Variants in PPM1D observed in about 807,000 individuals in gnomAD.
PPM1D encodes the protein protein phosphatase, Mg2+/Mn2+ dependent 1D.
In PPM1D, 52 loss-of-function variants were observed where a neutral mutation model predicts 58.3. The observed-to-expected ratio is 0.89, with a 90% confidence interval of 0.71 to 1.12. The LOEUF (loss-of-function observed/expected upper bound fraction) is 1.12, where lower values mean the gene tolerates loss of function less well. Ranked by LOEUF, PPM1D falls within the 50% of genes most tolerant of loss-of-function variation. PPM1D has a pLI of 0.00. For missense variants in PPM1D, 564 were observed against 777.2 expected (o/e 0.73, Z 3.26); for synonymous variants, 278 against 285.1 (o/e 0.98, Z 0.25).
intron 1 of PPM1D, 126 bp downstream of exon 1, chr17:60,601,012 A>G (rs1347509145): frequency 1.5e-6 from 2 of 1,376,442 alleles, no homozygotes; most frequent in Non-Finnish European, 2.0e-6. Context: ...GGAAGTGACT[A>G]AAAGCTGTAA....
At chr17:60,638,353 AT>A (rs2031065949) in intron 3 of PPM1D, among the ~76,000 whole-genome samples, 1 of 152,016 alleles carries the variant, frequency 6.6e-6, no homozygotes, top group Non-Finnish European at 1.5e-5. Flanking sequence ...TCAAACCATT[AT>A]TCTGACACTT....
chr17:60,610,535 T>C (rs982189022), intron 1 of PPM1D, among the ~76,000 whole-genome samples: 2 of 152,202 alleles, frequency 1.3e-5, no homozygotes, highest in Non-Finnish European at 2.9e-5. Context: ...TCTTCAAATA[T>C]CTGAGGGGTT....
At chr17:60,645,532 A>ATATATATGTATATATGTGTG (rs1567974643) in intron 3 of PPM1D, among the ~76,000 whole-genome samples, 5 of 119,390 alleles carry the variant, frequency 4.2e-5, no homozygotes, top group African/African-American at 2.1e-4. Context: ...GTATATATAT[A>ATATATATGTATATATGTGTG]TGTGTATATA....
chr17:60,639,855 A>G (rs1431928918), intron 3 of PPM1D, among the ~76,000 whole-genome samples: 2 of 152,268 alleles, frequency 1.3e-5, no homozygotes, highest in Non-Finnish European at 2.9e-5. Flanking sequence ...GAGGTTAAGG[A>G]GGAAGAAAGT....
chr17:60,625,365 G>A (rs1156964536), intron 2 of PPM1D, among the ~76,000 whole-genome samples: 1 of 152,098 alleles, frequency 6.6e-6, no homozygotes, highest in African/African-American at 2.4e-5. Flanking sequence ...TACCTTCTTG[G>A]TAAGATTACA....
chr17:60,643,055 GAA>G (rs61233619), intron 3 of PPM1D, among the ~76,000 whole-genome samples: 9 of 73,656 alleles, frequency 1.2e-4, no homozygotes, highest in Admixed American at 1.6e-4. Flanking sequence ...CGTCTCAAAA[GAA>G]AAAAAAAAAA....
At chr17:60,620,317 TTTTG>T (rs374591924) in intron 1 of PPM1D, among the ~76,000 whole-genome samples, 8 of 151,896 alleles carry the variant, frequency 5.3e-5, no homozygotes, top group African/African-American at 1.2e-4. Flanking sequence ...TTAACTGTGT[TTTTG>T]TTTGTTTGTT....
intron 1 of PPM1D, among the ~76,000 whole-genome samples, chr17:60,607,989 G>C (rs2143623699): frequency 6.6e-6 from 1 of 152,336 alleles, no homozygotes; most frequent in Admixed American, 6.5e-5. Flanking sequence ...AGTGGGGAGA[G>C]AGAATTGAAT....
At chr17:60,634,840 G>A (rs1206279482) in intron 3 of PPM1D, among the ~76,000 whole-genome samples, 2 of 152,172 alleles carry the variant, frequency 1.3e-5, no homozygotes, top group Non-Finnish European at 2.9e-5. Context: ...GATTGCAGTG[G>A]CATGATGACA....
Position 60,600,659 on chromosome 17 carries a change from C to A in PPM1D, c.245C>A (p.Ala82Asp). 1 of 1,550,706 alleles carries A rather than the reference C, an allele frequency of 6.4e-7. No homozygotes were observed. The highest frequency in any genetic ancestry group is 1.4e-5 in the African/African-American group (1 of 72,374). Residue 82 changes from alanine to aspartate, a missense_variant, in exon 1 of 6, where the codon GCC (alanine) becomes GAC (aspartate). By Grantham distance (126) the Ala-to-Asp change is moderately radical (BLOSUM62 -2). Around this residue, in one of 7 missense-constraint regions of PPM1D, gnomAD observed 132 missense variants for 150.4 expected, o/e 0.88. Coordinates refer to ENST00000305921, the MANE Select transcript of PPM1D (RefSeq NM_003620.4). ...AREARDPLPDAGASPAPSRCC... is the reference protein window; with the variant it reads ...AREARDPLPDDGASPAPSRCC... ...GAGGCTCGCGACCCTCTCCCGGACG[C>A]CGGGGCCTCGCCGGCACCTAGCCGC...
chr17:60,625,193 C>A (rs980328280), intron 2 of PPM1D, among the ~76,000 whole-genome samples: 1 of 151,864 alleles, frequency 6.6e-6, no homozygotes, highest in Non-Finnish European at 1.5e-5. Flanking sequence ...ATGGCAACCC[C>A]GGTTAGGTGG....
In PPM1D at chr17:60,623,626, CAG is replaced by C. The variant is rs2030748528; in HGVS notation, c.579_580del (p.Val195GlyfsTer7). The C allele has an allele frequency of 1.2e-6, 2 of 1,614,116 alleles. No individual in the cohort carries two copies. The highest frequency in any genetic ancestry group is 1.1e-5 in the South Asian group (1 of 91,076). On this transcript the variant is annotated frameshift_variant, in exon 2 of 6. Transcript: ENST00000305921. LOFTEE classifies it high-confidence loss of function. Reference sequence around the variant, plus strand: ...ATGTATGTAGCTCACGTAGGTGACTCAGGGGTGGTTCTTGGAATTCAGGATGA... The same window carrying C: ...ATGTATGTAGCTCACGTAGGTGACTCGGGTGGTTCTTGGAATTCAGGATGA...
At chr17:60,660,789 G>A (rs2031512822) in intron 5 of PPM1D, among the ~76,000 whole-genome samples, 1 of 151,988 alleles carries the variant, frequency 6.6e-6, no homozygotes, top group African/African-American at 2.4e-5. Flanking sequence ...GCTTCTGGAT[G>A]CCTTCAATTT....
At chr17:60,614,112 G>A (rs1005129837) in intron 1 of PPM1D, among the ~76,000 whole-genome samples, 1 of 152,146 alleles carries the variant, frequency 6.6e-6, no homozygotes, top group Admixed American at 6.6e-5. Context: ...AGTCTAGTGG[G>A]GACTTGGAGA....
chr17:60,664,413 T>C lies in PPM1D; in HGVS notation c.*861T>C, dbSNP rs977518834. 6.6e-5 allele frequency: 10 copies of C among 152,670 alleles called. No homozygotes were observed. Among genetic ancestry groups the C allele is most frequent in the African/African-American group, 2.4e-4 (10 of 41,468 alleles). 9.5% of individuals were successfully genotyped at this position (152,670 alleles called of 1,614,324 possible). ...TCCCAACATTTCTTAAATTATTTTA[T>C]ATCATACAGTTTTCATTGATTATAT... On this transcript the variant is annotated 3_prime_UTR_variant, in exon 6 of 6. Coordinates refer to ENST00000305921, the MANE Select transcript of PPM1D (RefSeq NM_003620.4).
intron 1 of PPM1D, among the ~76,000 whole-genome samples, chr17:60,614,985 T>G (rs1475265445): frequency 6.6e-6 from 1 of 152,244 alleles, no homozygotes; most frequent in African/African-American, 2.4e-5. Flanking sequence ...GACACATTAC[T>G]ACCTTTGTAA....
intron 1 of PPM1D, among the ~76,000 whole-genome samples, chr17:60,608,771 A>G (rs1029284108): frequency 2.0e-5 from 3 of 150,028 alleles, no homozygotes; most frequent in African/African-American, 7.4e-5. Flanking sequence ...TTTTTGACAC[A>G]GAGTCTCGCT....
chr17:60,659,949 C>T (rs1216669370), intron 5 of PPM1D, among the ~76,000 whole-genome samples: 4 of 152,040 alleles, frequency 2.6e-5, no homozygotes, highest in Middle Eastern at 3.2e-3. Context: ...TGGTGGCTCA[C>T]GCCTGTAATC....
chr17:60,611,256 A>T (rs8080922), intron 1 of PPM1D, among the ~76,000 whole-genome samples: 1 of 152,064 alleles, frequency 6.6e-6, no homozygotes, highest in African/African-American at 2.4e-5. Flanking sequence ...CCTGACCTCA[A>T]GTGATCTGCA....
Sources: allele counts gnomAD v4.1 joint callset (sites outside exome capture counted in the v4.1 genomes callset), GRCh38; gene constraint gnomAD v4.1.1; regional missense constraint gnomAD v4.1.1; transcripts MANE v1.5; gene names NCBI Gene and HGNC (gene_info 2026-07-23, HGNC 2026-07-21).